The following EEA1 variants were observed in gnomAD, a reference collection of about 807,000 sequenced individuals.
EEA1 encodes the protein early endosome antigen 1.
In EEA1, 111 loss-of-function variants were observed where a neutral mutation model predicts 209.2. That is an observed-to-expected ratio of 0.53 (90% CI 0.45 to 0.62). The LOEUF (loss-of-function observed/expected upper bound fraction) is 0.62, where lower values mean the gene tolerates loss of function less well. Among genes scored for constraint, EEA1 ranks in the 20% least tolerant of loss-of-function variants. The pLI is 0.00. For missense variants in EEA1, 1,343 were observed against 1,530.8 expected, an observed-to-expected ratio of 0.88 and a Z score of 2.05; for synonymous variants, 536 against 540.6, an observed-to-expected ratio of 0.99 and a Z score of 0.12.
rs76290636 is a variant in EEA1, at chr12:92,869,437, C to T, written c.118-4450G>A. 8.0e-3 allele frequency among the ~76,000 whole-genome samples: 1,222 copies of T among 152,086 alleles called. 15 individuals are homozygous for T. Among genetic ancestry groups the T allele is most frequent in the African/African-American group, 0.027 (1,128 of 41,490 alleles). On this transcript the variant is annotated intron_variant, in intron 2 of 28. Transcript: ENST00000322349. ...AAGGTACTCCTGTTGTACCAAGTAT[C>T]CTTTTAGTTAAAAGAAAAAGCCCTG... is the stretch of plus-strand genomic sequence containing the variant.
intron 13 of EEA1, among the ~76,000 whole-genome samples, chr12:92,823,571 A>G (rs1330826809): frequency 6.6e-6 from 1 of 152,228 alleles, no homozygotes; most frequent in Non-Finnish European, 1.5e-5. Context: ...CTATGCTACC[A>G]TAACAATTTT....
rs1347077285 is a variant in EEA1 at position 92,775,343 on chromosome 12, CAG to C, written c.*666_*667del. The stretch of plus-strand genomic sequence containing the variant: ...ACTATAAGTAAACAAATTGATTTTA[CAG>C]AGGTTTTTATAAAATCCACCCAAGA... On this transcript the variant is annotated 3_prime_UTR_variant, in exon 29 of 29. Coordinates refer to ENST00000322349, the MANE Select transcript of EEA1 (RefSeq NM_003566.4). 1.3e-5 allele frequency: 2 copies of C among 151,652 alleles called. No individual in the cohort carries two copies. The highest frequency in any genetic ancestry group is 1.9e-4 in the East Asian group (1 of 5,196). The allele number at this position is 151,652 out of a possible 1,614,324, so 9.4% of individuals were successfully genotyped here.
chr12:92,912,759 T>C lies in EEA1; in HGVS notation c.24+16284A>G, dbSNP rs115769627. ...CCATCTTTACGTCTATCTGTATCCA[T>C]TGTCTAGCTCCCACTTATAAGTGAG... On this transcript the variant is annotated intron_variant, in intron 1 of 28. Transcript: ENST00000322349. 8.0e-3 allele frequency among the ~76,000 whole-genome samples: 1,214 copies of C among 152,284 alleles called. 25 individuals are homozygous for C. The highest frequency in any genetic ancestry group is 0.027 in the African/African-American group (1,116 of 41,554).
At position 92,801,651 on chromosome 12, in the gene EEA1, GT is replaced by G; in HGVS notation, c.2720del (p.Asn907ThrfsTer9). 1 of 1,595,668 alleles carries G rather than the reference GT, an allele frequency of 6.3e-7. No individual in the cohort carries two copies. The highest frequency in any genetic ancestry group is 1.2e-5 in the South Asian group (1 of 86,660). On this transcript the variant is annotated frameshift_variant, in exon 20 of 29. Coordinates refer to ENST00000322349, the MANE Select transcript of EEA1 (RefSeq NM_003566.4). LOFTEE classifies it high-confidence loss of function. The stretch of plus-strand genomic sequence containing the variant: ...TCAGTTCCTTCTGTTCCTTAAGTGT[GT>G]TTTCCATCTGCACTTGAAGTTGATG... ...LKHQLQVQME[N>X]TLKEQKELKK...
chr12:92,781,925 G>T (rs1366472233), intron 23 of EEA1, 25 bp downstream of exon 23: 1 of 1,583,494 alleles, frequency 6.3e-7, no homozygotes, highest in East Asian at 2.2e-5. Flanking sequence ...TAAGATTGTA[G>T]ATTTAGGTCA....
intron 2 of EEA1, chr12:92,884,493 G>A: frequency 1.3e-6 from 2 of 1,497,540 alleles, no homozygotes; most frequent in South Asian, 1.1e-5. Flanking sequence ...GGTAATGATG[G>A]AAGCAATTTT....
chr12:92,865,904 C>T (rs894857623), intron 2 of EEA1, among the ~76,000 whole-genome samples: 10 of 151,752 alleles, frequency 6.6e-5, no homozygotes, highest in Non-Finnish European at 8.8e-5. Context: ...CCCGCCACCA[C>T]GCCCAGCTAA....
chr12:92,780,311 T>C lies in EEA1; in HGVS notation c.3437A>G (p.Glu1146Gly), dbSNP rs1873849822. The change falls in exon 24 of 29, where the codon GAA becomes GGA. Residue 1146 changes from glutamate to glycine, a missense_variant. Physicochemically the swap from Glu to Gly is moderately conservative, Grantham distance 98. Around this residue, in one of 3 missense-constraint regions of EEA1, gnomAD observed 1,307 missense variants for 1,465.5 expected, o/e 0.89. Transcript: ENST00000322349. ...GCTTTCTAGTTTGTGGGACTTGAGTTCTTCGTTTAGTTTAGTGATTTCTTT... is the reference window on the plus strand; with the variant it reads ...GCTTTCTAGTTTGTGGGACTTGAGTCCTTCGTTTAGTTTAGTGATTTCTTT... ...QEKEITKLNE[E>G]LKSHKLESIK... 1.2e-6 allele frequency: 2 copies of C among 1,601,650 alleles called. No homozygotes were observed. Among genetic ancestry groups the C allele is most frequent in the Admixed American group, 1.8e-5 (1 of 56,656 alleles).
rs750053192 is a variant in EEA1 at position 92,787,856 on chromosome 12, G to C, written c.3150+11C>G. 5.0e-6 allele frequency: 8 copies of C among 1,584,632 alleles called. No homozygotes were observed. Among genetic ancestry groups the C allele is most frequent in the Non-Finnish European group, 6.9e-6 (8 of 1,167,662 alleles). On this transcript the variant is annotated intron_variant, in intron 22 of 28. Coordinates refer to ENST00000322349, the MANE Select transcript of EEA1 (RefSeq NM_003566.4). The stretch of plus-strand genomic sequence containing the variant: ...TACTGAGACTTTATGGTACAGTATA[G>C]TTTACTATACCTTAAGATCTTGCCT...
chr12:92,850,625 T>A (rs9739336), intron 9 of EEA1, among the ~76,000 whole-genome samples: 1 of 147,326 alleles, frequency 6.8e-6, no homozygotes, highest in Non-Finnish European at 1.5e-5. Context: ...GGGAGGTGGA[T>A]GTTGCAGTGA....
chr12:92,858,799 G>T, intron 3 of EEA1: 1 of 787,824 alleles, frequency 1.3e-6, no homozygotes, highest in Non-Finnish European at 2.3e-6. Context: ...CCTTGATGAG[G>T]ATACAATCTA....
intron 18 of EEA1, among the ~76,000 whole-genome samples, chr12:92,804,203 T>C (rs568459641): frequency 3.1e-4 from 47 of 152,306 alleles, no homozygotes; most frequent in African/African-American, 9.1e-4. Flanking sequence ...ATAAGCCATA[T>C]GCTGGGCCTT....
intron 1 of EEA1, among the ~76,000 whole-genome samples, chr12:92,897,785 T>C (rs989937724): frequency 3.9e-5 from 6 of 152,148 alleles, no homozygotes; most frequent in African/African-American, 9.7e-5. Context: ...CATTGCATTA[T>C]AGACCGGATG....
chr12:92,800,291 C>T (rs1472686115), intron 20 of EEA1, among the ~76,000 whole-genome samples: 1 of 152,040 alleles, frequency 6.6e-6, no homozygotes, highest in African/African-American at 2.4e-5. Flanking sequence ...TTACTACTAC[C>T]TTGTTTGTAC....
chr12:92,795,378 A>G (rs1170823530), intron 21 of EEA1, among the ~76,000 whole-genome samples: 1 of 152,174 alleles, frequency 6.6e-6, no homozygotes, highest in Admixed American at 6.5e-5. Flanking sequence ...TTCTCTACGC[A>G]CTAAAGTATA....
chr12:92,901,715 A>T (rs1028725504), intron 1 of EEA1, among the ~76,000 whole-genome samples: 5 of 151,804 alleles, frequency 3.3e-5, no homozygotes, highest in Non-Finnish European at 7.4e-5. Context: ...CTACAGGTGC[A>T]CGCCACCATG....
rs1360146460 is a variant in EEA1, at chr12:92,811,338, A to G, written c.2140T>C (p.Tyr714His). ...TCTAAAGAGAGGTATTTCTCTTTAT[A>G]TTCTTTAAGATGACTTTCCAGCTGA... Reference protein sequence around the residue: ...CSQLESHLKEYKEKYLSLEQK... With the variant: ...CSQLESHLKEHKEKYLSLEQK... Residue 714 changes from tyrosine to histidine, a missense_variant, in exon 17 of 29, where the codon TAT (tyrosine) becomes CAT (histidine). By Grantham distance (83) the Tyr-to-His change is moderately conservative. Coordinates refer to ENST00000322349, the MANE Select transcript of EEA1 (RefSeq NM_003566.4). The G allele has an allele frequency of 8.7e-6, 14 of 1,606,562 alleles. No individual in the cohort carries two copies. Among genetic ancestry groups the G allele is most frequent in the South Asian group, 1.1e-5 (1 of 90,154 alleles).
intron 18 of EEA1, among the ~76,000 whole-genome samples, chr12:92,808,650 G>A (rs1323847473): frequency 6.6e-6 from 1 of 151,948 alleles, no homozygotes; most frequent in Admixed American, 6.6e-5. Flanking sequence ...ATAGCTAGAA[G>A]GCTAACTACT....
Position 92,902,821 on chromosome 12 carries a change from G to C in EEA1, c.25-11100C>G, listed in dbSNP as rs1397242317. 2.0e-5 allele frequency among the ~76,000 whole-genome samples: 3 copies of C among 151,442 alleles called. No homozygotes were observed. The East Asian group carries it at 5.8e-4, about 29-fold the overall frequency. Reference sequence around the variant, plus strand: ...TTTGAGCAGAGCTTTTCCAGGTAGAGATGAGAGGGCATTCCAACCAAAGCA... The same window carrying C: ...TTTGAGCAGAGCTTTTCCAGGTAGACATGAGAGGGCATTCCAACCAAAGCA... On this transcript the variant is annotated intron_variant, in intron 1 of 28. Coordinates refer to ENST00000322349, the MANE Select transcript of EEA1 (RefSeq NM_003566.4).
Sources: gnomAD v4.1 joint callset for allele counts (sites outside exome capture counted in the v4.1 genomes callset) on GRCh38, gnomAD v4.1.1 for gene constraint, gnomAD v4.1.1 regional missense constraint, MANE v1.5 for transcripts, NCBI Gene and HGNC (gene_info 2026-07-23, HGNC 2026-07-21) for gene names.